TTC28: variants seen among roughly 807,000 people sequenced by gnomAD.
TTC28 encodes the protein tetratricopeptide repeat protein 28.
Under a neutral mutation model 198.0 loss-of-function variants are expected in TTC28, and 61 were observed. That is an observed-to-expected ratio of 0.31 (90% CI 0.25 to 0.38). The LOEUF is 0.38. Among genes scored for constraint, TTC28 ranks in the 10% least tolerant of loss-of-function variants. TTC28 has a pLI of 1.00. For synonymous variants in TTC28, 1,171 were observed against 1,297.8 expected, an observed-to-expected ratio of 0.90 and a Z score of 2.10; for missense variants, 2,678 against 3,164.0, an observed-to-expected ratio of 0.85 and a Z score of 3.69.
At chr22:28,059,412 T>C (rs2146730944) in intron 12 of TTC28, among the ~76,000 whole-genome samples, 1 of 152,164 alleles carries the variant, frequency 6.6e-6, no homozygotes, top group South Asian at 2.1e-4. Context: ...CCCTATAGTA[T>C]TTTAATCATT....
At chr22:28,378,954 C>T (rs1006303627) in intron 2 of TTC28, among the ~76,000 whole-genome samples, 3 of 151,832 alleles carry the variant, frequency 2.0e-5, no homozygotes, top group African/African-American at 4.8e-5. Context: ...AAAAACTATA[C>T]CAAGACACAT....
chr22:28,165,079 T>A (rs1016049204), intron 5 of TTC28, among the ~76,000 whole-genome samples: 4 of 151,998 alleles, frequency 2.6e-5, no homozygotes, highest in African/African-American at 9.7e-5. Context: ...AGGGTATCAG[T>A]GATGGAAGAC....
At chr22:28,358,976 A>G (rs1368053861) in intron 2 of TTC28, among the ~76,000 whole-genome samples, 4 of 152,178 alleles carry the variant, frequency 2.6e-5, no homozygotes. Context: ...CTTACCTATG[A>G]AGTACTATGG....
At chr22:28,161,234 A>G (rs1921140132) in intron 6 of TTC28, among the ~76,000 whole-genome samples, 1 of 152,230 alleles carries the variant, frequency 6.6e-6, no homozygotes, top group Admixed American at 6.5e-5. Flanking sequence ...TGCTTGTAAT[A>G]TAAAAAACAA....
intron 5 of TTC28, among the ~76,000 whole-genome samples, chr22:28,166,538 A>G (rs549196313): frequency 3.3e-5 from 5 of 152,334 alleles, no homozygotes; most frequent in African/African-American, 1.2e-4. Context: ...CCGCTCAACT[A>G]CATGGAAACT....
chr22:28,445,207 C>T (rs2047684612), intron 2 of TTC28, among the ~76,000 whole-genome samples: 1 of 152,128 alleles, frequency 6.6e-6, no homozygotes, highest in South Asian at 2.1e-4. Flanking sequence ...ACAAAACAAA[C>T]ATACATTAAG....
chr22:28,538,087 C>G (rs765348813), intron 2 of TTC28, among the ~76,000 whole-genome samples: 1 of 152,036 alleles, frequency 6.6e-6, no homozygotes, highest in African/African-American at 2.4e-5. Flanking sequence ...AGGTATATCT[C>G]TTTTAGATTA....
rs938849972 is a variant in TTC28 at position 28,340,346 on chromosome 22, A to T, written c.382-33703T>A. ...TTATTTATAGAGTGGGTAACTGCTA[A>T]GGCATACCAAACGTCTCCTTCATGC... On this transcript the variant is annotated intron_variant, in intron 2 of 22. Transcript: ENST00000397906. Among the ~76,000 whole-genome samples the T allele has an allele frequency of 1.1e-4, 17 of 152,262 alleles. No homozygotes were observed. In the East Asian group the frequency reaches 3.1e-3, roughly 28 times the overall value.
chr22:28,128,478 C>T (rs1222042322), intron 6 of TTC28, among the ~76,000 whole-genome samples: 1 of 152,178 alleles, frequency 6.6e-6, no homozygotes, highest in African/African-American at 2.4e-5. Context: ...ATAAGTAAAG[C>T]ACACAGCCAA....
intron 2 of TTC28, among the ~76,000 whole-genome samples, chr22:28,371,890 A>G (rs1367214181): frequency 1.3e-5 from 2 of 150,996 alleles, no homozygotes; most frequent in African/African-American, 4.9e-5. Flanking sequence ...CCAAAAAAAA[A>G]AAAAATTTTT....
intron 2 of TTC28, among the ~76,000 whole-genome samples, chr22:28,600,033 C>T (rs1032894969): frequency 6.6e-6 from 1 of 152,166 alleles, no homozygotes; most frequent in Non-Finnish European, 1.5e-5. Flanking sequence ...GCCAACATAG[C>T]TTACAACTGC....
At chr22:28,201,156 G>A (rs1307169475) in intron 5 of TTC28, among the ~76,000 whole-genome samples, 1 of 152,090 alleles carries the variant, frequency 6.6e-6, no homozygotes, top group African/African-American at 2.4e-5. Flanking sequence ...GAAAAGTATA[G>A]GAGAAGGACT....
chr22:28,187,740 C>T (rs1277119014), intron 5 of TTC28, among the ~76,000 whole-genome samples: 2 of 152,162 alleles, frequency 1.3e-5, no homozygotes, highest in African/African-American at 4.8e-5. Context: ...CTGGGGGCAT[C>T]AAGGATGTGC....
intron 5 of TTC28, among the ~76,000 whole-genome samples, chr22:28,238,995 CAAAG>C (rs1929463761): frequency 6.6e-6 from 1 of 152,166 alleles, no homozygotes; most frequent in South Asian, 2.1e-4. Flanking sequence ...ACATGACCTG[CAAAG>C]TATTCTAGGT....
rs1278972455 is a variant in TTC28, at chr22:27,978,921, T to A, written c.*3300A>T. The stretch of plus-strand genomic sequence containing the variant: ...GGTGGGGCATGCCAGTTTCCTGAGC[T>A]AAAAGGAAATATATGCAATGCTTTC... On this transcript the variant is annotated 3_prime_UTR_variant, in exon 23 of 23. Transcript: ENST00000397906. The A allele has an allele frequency of 6.6e-6, 1 of 152,178 alleles. No individual in the cohort carries two copies. Among genetic ancestry groups the A allele is most frequent in the African/African-American group, 2.4e-5 (1 of 41,432 alleles). 9.4% of individuals were successfully genotyped at this position (152,178 alleles called of 1,614,324 possible).
intron 12 of TTC28, among the ~76,000 whole-genome samples, 157 bp from the exon 13 acceptor site, chr22:28,030,523 AG>A (rs2146632187): frequency 6.6e-6 from 1 of 152,282 alleles, no homozygotes; most frequent in African/African-American, 2.4e-5. Flanking sequence ...AGTGTCCCTG[AG>A]GCCCTCTTCC....
intron 12 of TTC28, among the ~76,000 whole-genome samples, chr22:28,033,487 G>A (rs888115423): frequency 1.3e-5 from 2 of 152,096 alleles, no homozygotes; most frequent in East Asian, 1.9e-4. Context: ...GAACTACAGG[G>A]GCTAAACAGA....
At chr22:28,380,379 A>C (rs2046476335) in intron 2 of TTC28, among the ~76,000 whole-genome samples, 1 of 152,274 alleles carries the variant, frequency 6.6e-6, no homozygotes, top group South Asian at 2.1e-4. Context: ...GCCTACATAT[A>C]ACAAAATCAA....
intron 2 of TTC28, among the ~76,000 whole-genome samples, chr22:28,607,104 T>C (rs2050748060): frequency 6.6e-6 from 1 of 152,150 alleles, no homozygotes; most frequent in African/African-American, 2.4e-5. Flanking sequence ...CAGGCCTTGA[T>C]AAGTTTCTCC....
Sources: gnomAD v4.1 joint callset for allele counts (sites outside exome capture counted in the v4.1 genomes callset) on GRCh38, gnomAD v4.1.1 for gene constraint, MANE v1.5 for transcripts, NCBI Gene and HGNC (gene_info 2026-07-23, HGNC 2026-07-21) for gene names.